Variants in NKAIN2 observed in about 807,000 individuals in gnomAD.
The protein encoded by NKAIN2 is sodium/potassium transporting ATPase interacting 2, also known as sodium/potassium-transporting ATPase subunit beta-1-interacting protein 2.
Under a neutral mutation model 32.6 loss-of-function variants are expected in NKAIN2, and 14 were observed. The observed-to-expected ratio is 0.43, with a 90% CI of 0.28 to 0.67. The LOEUF is 0.67. Ranked by LOEUF, NKAIN2 falls within the 30% of genes least tolerant of loss-of-function variation. The pLI is 0.17. For synonymous variants in NKAIN2, 80 were observed against 87.2 expected (o/e 0.92, Z 0.46); for missense variants, 198 against 258.3 (o/e 0.77, Z 1.60).
intron 1 of NKAIN2, among the ~76,000 whole-genome samples, chr6:124,107,671 C>T (rs1023258803): frequency 2.0e-5 from 3 of 152,102 alleles, no homozygotes; most frequent in African/African-American, 7.2e-5. Context: ...TGAAATTTTA[C>T]ACTCATTGAA....
chr6:124,344,558 A>C (rs1798305322), intron 2 of NKAIN2, among the ~76,000 whole-genome samples: 1 of 151,486 alleles, frequency 6.6e-6, no homozygotes, highest in African/African-American at 2.4e-5. Flanking sequence ...GTCCCTTGTA[A>C]GTTGGATTCC....
intron 1 of NKAIN2, among the ~76,000 whole-genome samples, chr6:123,925,506 C>T (rs1257528783): frequency 2.6e-5 from 4 of 152,114 alleles, no homozygotes; most frequent in Non-Finnish European, 4.4e-5. Context: ...TGTTTCATAG[C>T]TGTGTGAATC....
chr6:124,267,939 T>A (rs765053120), intron 1 of NKAIN2, among the ~76,000 whole-genome samples: 2 of 152,230 alleles, frequency 1.3e-5, no homozygotes, highest in Non-Finnish European at 1.5e-5. Flanking sequence ...AGAATCCTTT[T>A]ATATCTTAAT....
At chr6:124,049,005 T>A (rs1301582196) in intron 1 of NKAIN2, among the ~76,000 whole-genome samples, 1 of 152,060 alleles carries the variant, frequency 6.6e-6, no homozygotes, top group Admixed American at 6.6e-5. Context: ...TAGTGCTTAT[T>A]GTTTAGACTC....
In NKAIN2 at chr6:124,558,247, A is replaced by G. The variant is rs549708272; in HGVS notation, c.274-99939A>G. Among the ~76,000 whole-genome samples the G allele has an allele frequency of 2.6e-5, 4 of 152,302 alleles. No homozygotes were observed. The South Asian group carries it at 8.3e-4, about 32-fold the overall frequency. ...CCTTCATGATTTATGTGTAGCATCC[A>G]TGGTTTCTGTGAAGGTATTCAGGAC... On this transcript the variant is annotated intron_variant, in intron 3 of 6. Coordinates refer to ENST00000368417, the MANE Select transcript of NKAIN2 (RefSeq NM_001040214.3).
intron 1 of NKAIN2, among the ~76,000 whole-genome samples, chr6:124,138,606 G>A (rs187590866): frequency 6.9e-6 from 1 of 144,926 alleles, no homozygotes; most frequent in Admixed American, 6.8e-5. Flanking sequence ...ATCAACCAAT[G>A]AGTGGATAAA....
At chr6:123,973,020 CA>C (rs1189613769) in intron 1 of NKAIN2, among the ~76,000 whole-genome samples, 1 of 151,990 alleles carries the variant, frequency 6.6e-6, no homozygotes, top group Non-Finnish European at 1.5e-5. Flanking sequence ...TATTTGCTGC[CA>C]GATTTTCTTT....
intron 1 of NKAIN2, among the ~76,000 whole-genome samples, chr6:124,156,106 G>T (rs970963249): frequency 6.6e-6 from 1 of 152,054 alleles, no homozygotes; most frequent in African/African-American, 2.4e-5. Context: ...TCTGAGCTAG[G>T]GGTGACTTCT....
chr6:124,406,821 G>A (rs1477888597), intron 3 of NKAIN2, among the ~76,000 whole-genome samples: 1 of 151,948 alleles, frequency 6.6e-6, no homozygotes, highest in African/African-American at 2.4e-5. Context: ...TTTTCATTAC[G>A]ACTACTGATG....
chr6:124,144,434 C>T (rs917664339), intron 1 of NKAIN2, among the ~76,000 whole-genome samples: 1 of 151,986 alleles, frequency 6.6e-6, no homozygotes, highest in Non-Finnish European at 1.5e-5. Flanking sequence ...GTTATACTTA[C>T]AGAAGAAAAA....
At chr6:123,926,072 A>G (rs1775990565) in intron 1 of NKAIN2, among the ~76,000 whole-genome samples, 1 of 152,120 alleles carries the variant, frequency 6.6e-6, no homozygotes, top group African/African-American at 2.4e-5. Flanking sequence ...TAAAGGCACT[A>G]ATCCAATCCA....
intron 2 of NKAIN2, among the ~76,000 whole-genome samples, chr6:124,320,120 G>A (rs1797113615): frequency 2.0e-5 from 3 of 152,108 alleles, no homozygotes; most frequent in African/African-American, 4.8e-5. Flanking sequence ...ATATGTGGAA[G>A]GCTACTGCTC....
intron 3 of NKAIN2, among the ~76,000 whole-genome samples, chr6:124,388,983 G>A (rs1008118353): frequency 6.6e-6 from 1 of 152,038 alleles, no homozygotes; most frequent in African/African-American, 2.4e-5. Context: ...CTTTATTTAA[G>A]CATGAATGAT....
At chr6:124,656,071 T>C (rs1263098750) in intron 3 of NKAIN2, among the ~76,000 whole-genome samples, 1 of 152,198 alleles carries the variant, frequency 6.6e-6, no homozygotes, top group South Asian at 2.1e-4. Context: ...CCTGGGGATT[T>C]ATCCAGTTTG....
chr6:124,812,925 G>C (rs546508726), intron 5 of NKAIN2, among the ~76,000 whole-genome samples: 14 of 151,762 alleles, frequency 9.2e-5, no homozygotes, highest in African/African-American at 3.4e-4. Flanking sequence ...TCTAATTCAG[G>C]CTTTTAGTAA....
At chr6:124,296,173 C>A (rs1454053535) in intron 2 of NKAIN2, among the ~76,000 whole-genome samples, 1 of 152,086 alleles carries the variant, frequency 6.6e-6, no homozygotes, top group Non-Finnish European at 1.5e-5. Flanking sequence ...TCAGCTTTCA[C>A]TTCTCCTTGT....
intron 3 of NKAIN2, among the ~76,000 whole-genome samples, chr6:124,457,102 C>T (rs1208695507): frequency 6.6e-6 from 1 of 151,844 alleles, no homozygotes; most frequent in African/African-American, 2.4e-5. Context: ...TGTGTACTGC[C>T]TTCACAGGAG....
rs532244024 is a variant in NKAIN2, at chr6:124,457,185, A to G, written c.273+101838A>G. ...TTCTAGAACTTTGTATCCAGTGACTAATTTGTAACCCCAGTAACATAACTT... is the reference window on the plus strand; with the variant it reads ...TTCTAGAACTTTGTATCCAGTGACTGATTTGTAACCCCAGTAACATAACTT... On this transcript the variant is annotated intron_variant, in intron 3 of 6. Coordinates refer to ENST00000368417, the MANE Select transcript of NKAIN2 (RefSeq NM_001040214.3). 5.4e-4 allele frequency among the ~76,000 whole-genome samples: 82 copies of G among 151,998 alleles called. 1 individual carries two copies. The highest frequency in any genetic ancestry group is 2.6e-3 in the Admixed American group (40 of 15,186).
chr6:124,282,150 G>T (rs1035032026), intron 1 of NKAIN2: 1 of 267,456 alleles, frequency 3.7e-6, no homozygotes, highest in East Asian at 1.4e-4. Context: ...ATCTCAGTTT[G>T]TTGTTATTTT....
Sources: allele counts gnomAD v4.1 joint callset (sites outside exome capture counted in the v4.1 genomes callset), GRCh38; gene constraint gnomAD v4.1.1; transcripts MANE v1.5; gene names NCBI Gene and HGNC (gene_info 2026-07-23, HGNC 2026-07-21).